The following ATXN3 variants were observed in gnomAD, a reference collection of about 807,000 sequenced individuals.
ATXN3 encodes ataxin-3.
ATXN3 carries 28 observed loss-of-function variants against 58.2 expected under a neutral mutation model. That is an observed-to-expected ratio of 0.48 (90% confidence interval 0.36 to 0.66). ATXN3 has a LOEUF of 0.66. ATXN3 is among the 30% of genes least tolerant of loss of function. The pLI is 0.00. For missense variants in ATXN3, 321 were observed against 422.1 expected, an observed-to-expected ratio of 0.76 and a Z score of 2.10; for synonymous variants, 113 against 138.5, an observed-to-expected ratio of 0.82 and a Z score of 1.29.
intron 9 of ATXN3, among the ~76,000 whole-genome samples, chr14:92,079,226 G>A (rs1777029129): frequency 6.7e-6 from 1 of 148,984 alleles, no homozygotes; most frequent in African/African-American, 2.5e-5. Context: ...CCGTGTGCTA[G>A]TATTTGTTGA....
Position 92,061,002 on chromosome 14 carries a change from G to C in ATXN3, c.*3318C>G, listed in dbSNP as rs1399234594. On this transcript the variant is annotated 3_prime_UTR_variant, in exon 11 of 11. Coordinates refer to ENST00000644486, the MANE Select transcript of ATXN3 (RefSeq NM_004993.6). ...CCACTTCGGCCTCCCAAAATGCTGGGATTACAGGCGTGAGCTACCACGCCC... is the reference window on the plus strand; with the variant it reads ...CCACTTCGGCCTCCCAAAATGCTGGCATTACAGGCGTGAGCTACCACGCCC... 1 of 152,016 alleles carries C rather than the reference G, an allele frequency of 6.6e-6. No individual in the cohort carries two copies. Among genetic ancestry groups the C allele is most frequent in the Non-Finnish European group, 1.5e-5 (1 of 68,000 alleles). 9.4% of individuals were successfully genotyped at this position (152,016 alleles called of 1,614,324 possible).
chr14:92,064,766 T>C (rs553846552), intron 10 of ATXN3, among the ~76,000 whole-genome samples: 80 of 152,210 alleles, frequency 5.3e-4, no homozygotes, highest in Non-Finnish European at 7.5e-4. Context: ...ATATGGCTTC[T>C]TTCACGTAGC....
At chr14:92,055,040 C>T (rs1226805333), downstream of ATXN3, among the ~76,000 whole-genome samples, 4 of 152,168 alleles carry the variant, frequency 2.6e-5, no homozygotes, top group African/African-American at 9.7e-5. This position sits in a 1 kb window ranked among gnomAD's most constrained non-coding sequence, Gnocchi z 4.5. Context: ...CGCCACCACA[C>T]CCGGCTAATT....
At chr14:92,096,901 C>T (rs759252663) in intron 1 of ATXN3, 63 bp from the exon 2 acceptor site, 49 of 1,433,218 alleles carry the variant, frequency 3.4e-5, no homozygotes, top group Non-Finnish European at 4.1e-5. Context: ...TAGTATCTTC[C>T]CCTAAATAAT....
At position 92,089,357 on chromosome 14, in the gene ATXN3, T is replaced by C. The variant is rs796727050; in HGVS notation, c.388-540A>G. Among the ~76,000 whole-genome samples the C allele has an allele frequency of 6.4e-3, 767 of 120,780 alleles. 6 individuals are homozygous for C. The highest frequency in any genetic ancestry group is 0.026 in the African/African-American group (736 of 28,192). 79.2% of individuals were successfully genotyped at this position (120,780 alleles called of 152,430 possible). A position where few individuals can be genotyped will look rare whatever the true frequency, so the allele number is the denominator to read the frequency against. On this transcript the variant is annotated intron_variant, in intron 5 of 10. Transcript: ENST00000644486. ...CTTTTTTTTTTTTTTTTTTTTTTTT[T>C]AGACAGAGTATTGCTCTGTCGCCCA...
intron 3 of ATXN3, among the ~76,000 whole-genome samples, chr14:92,095,036 A>G (rs1201584098): frequency 1.3e-5 from 2 of 152,134 alleles, no homozygotes; most frequent in East Asian, 1.9e-4. Context: ...AGACCCACAG[A>G]TAAAAGAATC....
rs1681264045 is a variant in ATXN3, at chr14:92,059,580, G to A, written c.*4740C>T. On this transcript the variant is annotated 3_prime_UTR_variant, in exon 11 of 11. Transcript: ENST00000644486. ...CTGCACCTGTAATCCCAGCACTTTG[G>A]GAGGCCAAGGCAGGCAGATCACCTG... 6.6e-6 allele frequency: 1 copy of A among 152,192 alleles called. No homozygotes were observed. Among genetic ancestry groups the A allele is most frequent in the Non-Finnish European group, 1.5e-5 (1 of 68,128 alleles). The allele number at this position is 152,192 out of a possible 1,614,324, so 9.4% of individuals were successfully genotyped here.
At chr14:92,102,999 A>G (rs1260676898) in intron 1 of ATXN3, among the ~76,000 whole-genome samples, 1 of 152,164 alleles carries the variant, frequency 6.6e-6, no homozygotes, top group Non-Finnish European at 1.5e-5. Flanking sequence ...TCTTTTCAAT[A>G]ATTTTATGTA....
intron 5 of ATXN3, among the ~76,000 whole-genome samples, chr14:92,089,401 C>T (rs533229850): frequency 5.0e-4 from 68 of 135,344 alleles, no homozygotes; most frequent in Non-Finnish European, 8.7e-4. Context: ...TGCAGTGGCG[C>T]GATCTCGGCT....
intron 1 of ATXN3, among the ~76,000 whole-genome samples, chr14:92,099,780 T>C (rs1171838084): frequency 6.6e-6 from 1 of 152,060 alleles, no homozygotes; most frequent in African/African-American, 2.4e-5. Context: ...GAAAGGAGGA[T>C]AACTTGAGCC....
At chr14:92,085,058 G>C (rs191402886) in intron 6 of ATXN3, among the ~76,000 whole-genome samples, 1 of 152,114 alleles carries the variant, frequency 6.6e-6, no homozygotes, top group African/African-American at 2.4e-5. Context: ...CAGTAAAATT[G>C]TTTCTGTATT....
chr14:92,086,989 G>A (rs1469164478), intron 6 of ATXN3, among the ~76,000 whole-genome samples: 2 of 152,072 alleles, frequency 1.3e-5, no homozygotes, highest in Non-Finnish European at 2.9e-5. Flanking sequence ...GAAGATATAA[G>A]CAAATTGATA....
chr14:92,056,303 G>A (rs991495580), downstream of ATXN3, among the ~76,000 whole-genome samples: 1 of 152,086 alleles, frequency 6.6e-6, no homozygotes, highest in South Asian at 2.1e-4. Flanking sequence ...TGACATTTTC[G>A]GGCTTGGTAT....
At position 92,060,990 on chromosome 14, in the gene ATXN3, C is replaced by T. The variant is rs963468618; in HGVS notation, c.*3330G>A. 2 of 152,124 alleles carry T rather than the reference C, an allele frequency of 1.3e-5. No individual in the cohort carries two copies. The highest frequency in any genetic ancestry group is 4.8e-5 in the African/African-American group (2 of 41,424). 9.4% of individuals were successfully genotyped at this position (152,124 alleles called of 1,614,324 possible). ...CTCGTGATCCACCCACTTCGGCCTC[C>T]CAAAATGCTGGGATTACAGGCGTGA... On this transcript the variant is annotated 3_prime_UTR_variant, in exon 11 of 11. Transcript: ENST00000644486.
intron 1 of ATXN3, among the ~76,000 whole-genome samples, chr14:92,105,373 T>G (rs1406220982): frequency 1.3e-5 from 2 of 152,116 alleles, no homozygotes; most frequent in African/African-American, 4.8e-5. Context: ...CCATGATCTC[T>G]CCATTGCACA....
chr14:92,104,748 C>G (rs1237052054), intron 1 of ATXN3, among the ~76,000 whole-genome samples: 1 of 151,720 alleles, frequency 6.6e-6, no homozygotes, highest in Non-Finnish European at 1.5e-5. Context: ...CATGGTGAAA[C>G]CCTGTCTCTA....
downstream of ATXN3, among the ~76,000 whole-genome samples, chr14:92,055,811 C>T (rs2057462991): frequency 6.6e-6 from 1 of 152,136 alleles, no homozygotes; most frequent in Non-Finnish European, 1.5e-5. The surrounding 1 kb of genome is among the most constrained non-coding windows in gnomAD (Gnocchi z 4.5). Flanking sequence ...AAATACAAAA[C>T]TTAGCTGGAT....
At position 92,066,573 on chromosome 14, in the gene ATXN3, G is replaced by T. The variant is rs370049538; in HGVS notation, c.992-2159C>A. On this transcript the variant is annotated intron_variant, in intron 10 of 10. Transcript: ENST00000644486. ...TCCTGAAGGATATTTCACTGGATAT[G>T]TAACTCTGGGTTTAGAGTTTTTTTC... Among the ~76,000 whole-genome samples the T allele has an allele frequency of 6.3e-5, 9 of 143,182 alleles. No individual in the cohort carries two copies. The East Asian group carries it at 1.8e-3, about 29-fold the overall frequency. The allele number at this position is 143,182 out of a possible 152,430, so 93.9% of individuals were successfully genotyped here.
chr14:92,103,110 T>TAA lies in ATXN3; in HGVS notation c.24+3417_24+3418dup, dbSNP rs11388890. Among the ~76,000 whole-genome samples, 74 of 131,622 alleles carry TAA rather than the reference T, an allele frequency of 5.6e-4. 1 individual carries two copies. The highest frequency in any genetic ancestry group is 3.3e-3 in the East Asian group (15 of 4,558). 86.3% of individuals were successfully genotyped at this position (131,622 alleles called of 152,430 possible). A position where few individuals can be genotyped will look rare whatever the true frequency, so the allele number is the denominator to read the frequency against. ...CACCAAGAAACATCAGCAAGAGGAT[T>TAA]AAAAAAAAAAAAAAAAACAAAGCAG... On this transcript the variant is annotated intron_variant, in intron 1 of 10. Coordinates refer to ENST00000644486, the MANE Select transcript of ATXN3 (RefSeq NM_004993.6).
Sources: gnomAD v4.1 joint callset for allele counts (sites outside exome capture counted in the v4.1 genomes callset) on GRCh38, gnomAD v4.1.1 for gene constraint, Gnocchi (gnomAD v3.1) non-coding constraint, MANE v1.5 for transcripts, NCBI Gene and HGNC (gene_info 2026-07-23, HGNC 2026-07-21) for gene names.